The following PDXDC1 variants were observed in gnomAD, a reference collection of about 807,000 sequenced individuals.
PDXDC1 encodes the protein pyridoxal dependent decarboxylase domain containing 1.
In PDXDC1, 42 loss-of-function variants were observed where a neutral mutation model predicts 100.1. The ratio of observed to expected loss-of-function variants is 0.42; its 90% CI spans 0.33 to 0.54. The LOEUF (loss-of-function observed/expected upper bound fraction) is 0.54, where lower values mean the gene tolerates loss of function less well. Among genes scored for constraint, PDXDC1 ranks in the 20% least tolerant of loss-of-function variants. The pLI is 0.10. For synonymous variants in PDXDC1, 260 were observed against 371.7 expected, an observed-to-expected ratio of 0.70 and a Z score of 3.46; for missense variants, 636 against 979.2, an observed-to-expected ratio of 0.65 and a Z score of 4.68.
rs774277398 is a variant in PDXDC1, at chr16:15,034,336, A to G, written c.1863A>G (p.Gln621=). 14 of 1,613,384 alleles carry G rather than the reference A, an allele frequency of 8.7e-6. No homozygotes were observed. The highest frequency in any genetic ancestry group is 2.7e-5 in the African/African-American group (2 of 74,918). ...TTCGGAAAGGCATTCAGGAAGCTCA[A>G]GTGGAGCTGCAGAAGGCAAGTGAAG... is the stretch of plus-strand genomic sequence containing the variant. ...EVVRKGIQEA[Q]VELQKASEER... The change falls in exon 20 of 23, where the codon CAA becomes CAG. Residue 621 remains glutamine (Q), a synonymous_variant. Coordinates refer to ENST00000396410, the MANE Select transcript of PDXDC1 (RefSeq NM_015027.4).
intron 16 of PDXDC1, chr16:15,129,864 C>T (rs2047955759): frequency 1.3e-6 from 1 of 755,718 alleles, no homozygotes; most frequent in Admixed American, 2.0e-5. Flanking sequence ...GGCCCTGCCA[C>T]CCCGCCGCGC....
intron 1 of PDXDC1, among the ~76,000 whole-genome samples, chr16:14,992,458 C>T (rs1020061145): frequency 2.0e-5 from 3 of 152,274 alleles, no homozygotes; most frequent in Admixed American, 1.3e-4. Flanking sequence ...CAGTGAGGAT[C>T]GTCAGGAGCA....
intron 16 of PDXDC1, chr16:15,069,982 T>C (rs1257064237): frequency 7.2e-7 from 1 of 1,392,938 alleles, no homozygotes; most frequent in African/African-American, 1.5e-5. Flanking sequence ...CCAGTTTTTA[T>C]AAAAATCTCA....
At chr16:15,102,060 C>G (rs941388662) in intron 16 of PDXDC1, among the ~76,000 whole-genome samples, 7 of 152,128 alleles carry the variant, frequency 4.6e-5, no homozygotes, top group Non-Finnish European at 1.0e-4. Flanking sequence ...GTTGGTCAGG[C>G]TGCTCTTGAA....
intron 16 of PDXDC1, chr16:15,128,401 G>T (rs767332381): frequency 9.3e-6 from 14 of 1,505,572 alleles, no homozygotes; most frequent in Non-Finnish European, 9.2e-7. Context: ...TGGAGGGCAA[G>T]AGGGAGGGGT....
intron 16 of PDXDC1, among the ~76,000 whole-genome samples, chr16:15,069,736 T>C (rs1050901332): frequency 8.5e-5 from 13 of 152,244 alleles, no homozygotes; most frequent in African/African-American, 3.1e-4. Flanking sequence ...AAAGAGAAGG[T>C]GCATCCAACT....
rs894353536 is a variant in PDXDC1, at chr16:15,092,678, A to G, written c.1400-46201A>G. The stretch of plus-strand genomic sequence containing the variant: ...AATAATAAAAATTATAATAGCCAAC[A>G]TTTATTGAACCAACATAATTCAGTG... On this transcript the variant is annotated intron_variant, in intron 16 of 16. Coordinates refer to the PDXDC1 transcript ENST00000535621. 4.6e-6 allele frequency: 5 copies of G among 1,093,416 alleles called. No homozygotes were observed. The African/African-American group carries it at 6.3e-5, about 14-fold the overall frequency. The allele number at this position is 1,093,416 out of a possible 1,614,324, so 67.7% of individuals were successfully genotyped here.
At chr16:15,089,565 C>T (rs1363829934) in intron 16 of PDXDC1, among the ~76,000 whole-genome samples, 1 of 152,026 alleles carries the variant, frequency 6.6e-6, no homozygotes, top group Non-Finnish European at 1.5e-5. Context: ...CTTTGGGAGG[C>T]CAAGGCGGGC....
At chr16:15,002,284 G>T (rs1379490007) in intron 4 of PDXDC1, among the ~76,000 whole-genome samples, 1 of 152,280 alleles carries the variant, frequency 6.6e-6, no homozygotes, top group Admixed American at 6.5e-5. Flanking sequence ...TATACAAAGG[G>T]AATTTTCCTT....
intron 3 of PDXDC1, among the ~76,000 whole-genome samples, chr16:14,999,773 G>A (rs1469251466): frequency 2.6e-5 from 4 of 152,254 alleles, no homozygotes; most frequent in Non-Finnish European, 5.9e-5. Flanking sequence ...TAGCAAAAAA[G>A]TAAGTAGCTG....
intron 1 of PDXDC1, chr16:14,989,068 G>A: frequency 3.7e-6 from 6 of 1,614,262 alleles, no homozygotes; most frequent in Non-Finnish European, 5.1e-6. Flanking sequence ...ATGTAATAGA[G>A]CGTCAGGTTC....
chr16:15,133,169 G>A (rs2048190114), intron 16 of PDXDC1: 4 of 919,684 alleles, frequency 4.3e-6, no homozygotes, highest in South Asian at 4.3e-5. Context: ...CTGGGGCCCG[G>A]GATAAGCCCT....
intron 8 of PDXDC1, among the ~76,000 whole-genome samples, chr16:15,014,820 G>A (rs1459960306): frequency 1.1e-4 from 17 of 152,294 alleles, no homozygotes; most frequent in Non-Finnish European, 1.9e-4. Context: ...AAAATCTGTA[G>A]TGCAATCAAT....
intron 3 of PDXDC1, among the ~76,000 whole-genome samples, chr16:14,999,300 CA>C (rs1368194609): frequency 2.0e-5 from 3 of 152,272 alleles, no homozygotes; most frequent in Admixed American, 6.5e-5. Context: ...CTCCTGACCT[CA>C]GGTGATCCGC....
chr16:15,055,162 G>A (rs920620616), intron 16 of PDXDC1, among the ~76,000 whole-genome samples: 1 of 152,096 alleles, frequency 6.6e-6, no homozygotes, highest in African/African-American at 2.4e-5. Context: ...CAAATAGGAC[G>A]TCTGCCCCCG....
At chr16:14,999,463 G>A (rs1429013882) in intron 3 of PDXDC1, among the ~76,000 whole-genome samples, 1 of 152,054 alleles carries the variant, frequency 6.6e-6, no homozygotes, top group Non-Finnish European at 1.5e-5. Flanking sequence ...AGTCCCAGCT[G>A]CTTGGGAGCC....
intron 16 of PDXDC1, among the ~76,000 whole-genome samples, chr16:15,062,864 G>C (rs1321146087): frequency 6.6e-6 from 1 of 152,200 alleles, no homozygotes; most frequent in Non-Finnish European, 1.5e-5. Context: ...ACACGGTTTT[G>C]GTGTGCTTTT....
intron 16 of PDXDC1, among the ~76,000 whole-genome samples, chr16:15,115,133 A>G (rs1258043968): frequency 7.0e-6 from 1 of 143,686 alleles, no homozygotes; most frequent in African/African-American, 2.6e-5. Context: ...ATGAGGTTTC[A>G]CCATGTTGCC....
intron 16 of PDXDC1, among the ~76,000 whole-genome samples, chr16:15,055,413 G>A (rs779051774): frequency 9.2e-5 from 14 of 152,200 alleles, no homozygotes; most frequent in Non-Finnish European, 1.9e-4. Context: ...AGGACTGGGG[G>A]TCCCCGCCAA....
Sources: gnomAD v4.1 joint callset for allele counts (sites outside exome capture counted in the v4.1 genomes callset) on GRCh38, gnomAD v4.1.1 for gene constraint, MANE v1.5 for transcripts, NCBI Gene and HGNC (gene_info 2026-07-23, HGNC 2026-07-21) for gene names.